The following PTPRA variants were observed in gnomAD, a reference collection of about 807,000 sequenced individuals.
PTPRA encodes receptor-type tyrosine-protein phosphatase alpha.
Under a neutral mutation model 104.8 loss-of-function variants are expected in PTPRA, and 25 were observed. The ratio of observed to expected loss-of-function variants is 0.24; its 90% CI spans 0.17 to 0.33. PTPRA has a LOEUF of 0.33. Among genes scored for constraint, PTPRA ranks in the 10% least tolerant of loss-of-function variants. The pLI is 1.00. For synonymous variants in PTPRA, 323 were observed against 368.9 expected, an observed-to-expected ratio of 0.88 and a Z score of 1.43; for missense variants, 765 against 1,015.3, an observed-to-expected ratio of 0.75 and a Z score of 3.35.
chr20:2,951,073 T>C (rs2061336450), intron 3 of PTPRA, among the ~76,000 whole-genome samples: 1 of 152,020 alleles, frequency 6.6e-6, no homozygotes, highest in African/African-American at 2.4e-5. Context: ...GTATTAACCA[T>C]GTGTTTGTTT....
intron 1 of PTPRA, among the ~76,000 whole-genome samples, chr20:2,908,288 T>C (rs1375937532): frequency 6.6e-6 from 1 of 152,248 alleles, no homozygotes; most frequent in East Asian, 1.9e-4. Context: ...GTTGACTCCT[T>C]GAACAACGCA....
chr20:2,932,914 A>G (rs1284572796), intron 2 of PTPRA, among the ~76,000 whole-genome samples: 2 of 152,204 alleles, frequency 1.3e-5, no homozygotes, highest in African/African-American at 4.8e-5. Context: ...ATCATTAAAA[A>G]CAATATTGGA....
chr20:2,929,267 T>C (rs767699971), intron 2 of PTPRA, among the ~76,000 whole-genome samples: 2 of 152,158 alleles, frequency 1.3e-5, no homozygotes, highest in Non-Finnish European at 2.9e-5. Flanking sequence ...TTTTTTCTTT[T>C]ACTGTTTCTT....
chr20:2,905,946 A>G (rs1361766647), intron 1 of PTPRA, among the ~76,000 whole-genome samples: 1 of 151,968 alleles, frequency 6.6e-6, no homozygotes, highest in Non-Finnish European at 1.5e-5. Context: ...TCGGCCTCCC[A>G]AAGTGCTGGT....
chr20:2,959,329 A>T (rs915699304), intron 3 of PTPRA, among the ~76,000 whole-genome samples: 1 of 152,278 alleles, frequency 6.6e-6, no homozygotes, highest in South Asian at 2.1e-4. Context: ...TGGATATTTC[A>T]TATGATTGAT....
At chr20:3,030,296 T>C (rs952760021) in intron 20 of PTPRA, among the ~76,000 whole-genome samples, 3 of 152,180 alleles carry the variant, frequency 2.0e-5, no homozygotes, top group African/African-American at 7.2e-5. Context: ...TTCTGCTGCC[T>C]GTTGAGTGAG....
chr20:3,038,431 T>A lies in PTPRA; in HGVS notation c.*298T>A, dbSNP rs533501104. 6.7e-6 allele frequency: 2 copies of A among 299,420 alleles called. No homozygotes were observed. The highest frequency in any genetic ancestry group is 1.8e-4 in the East Asian group (2 of 11,260). The allele number at this position is 299,420 out of a possible 1,614,324, so 18.5% of individuals were successfully genotyped here. ...TTAATACATCTTTCCCTAAAGAAGA[T>A]AAACACAAAATCCATTCCAGGTAGC... On this transcript the variant is annotated 3_prime_UTR_variant, in exon 24 of 24. Coordinates refer to ENST00000399903, the MANE Select transcript of PTPRA (RefSeq NM_001385305.1).
At chr20:3,001,263 T>A (rs192395231) in intron 9 of PTPRA, among the ~76,000 whole-genome samples, 1 of 152,364 alleles carries the variant, frequency 6.6e-6, no homozygotes, top group East Asian at 1.9e-4. Context: ...CATCTAGCGC[T>A]GTGTTCTCCA....
At position 3,010,236 on chromosome 20, in the gene PTPRA, C is replaced by A. The variant is rs375183498; in HGVS notation, c.906+2816C>A. ...ATTCCATGGGTCAGTGACATACTTA[C>A]AAAACCAGGTGCTTCCATCTTTCTA... On this transcript the variant is annotated intron_variant, in intron 11 of 23. Transcript: ENST00000399903. 8.5e-5 allele frequency among the ~76,000 whole-genome samples: 13 copies of A among 152,222 alleles called. No individual in the cohort carries two copies. In the East Asian group the frequency reaches 1.7e-3, roughly 20 times the overall value.
At chr20:2,954,077 C>CTTTT (rs35144002) in intron 3 of PTPRA, among the ~76,000 whole-genome samples, 2 of 102,610 alleles carry the variant, frequency 1.9e-5, no homozygotes, top group Admixed American at 1.1e-4. Flanking sequence ...ACCCGGCTAA[C>CTTTT]TTTTTTTTTT....
chr20:2,974,357 TC>T (rs1415633175), intron 5 of PTPRA, among the ~76,000 whole-genome samples: 1 of 151,948 alleles, frequency 6.6e-6, no homozygotes, highest in African/African-American at 2.4e-5. Flanking sequence ...TTTAAGCAAT[TC>T]TTGTGCCTCA....
chr20:3,009,011 A>G (rs2064021341), intron 11 of PTPRA, among the ~76,000 whole-genome samples: 1 of 152,164 alleles, frequency 6.6e-6, no homozygotes, highest in East Asian at 1.9e-4. Context: ...TGTGAACATA[A>G]GAAGGGCTGT....
intron 9 of PTPRA, among the ~76,000 whole-genome samples, chr20:2,995,970 G>A (rs1490970575): frequency 6.6e-6 from 1 of 152,158 alleles, no homozygotes; most frequent in Non-Finnish European, 1.5e-5. Context: ...GCTATGAACT[G>A]TGAGCAGCTT....
chr20:2,962,915 T>C (rs1301895391), intron 3 of PTPRA, among the ~76,000 whole-genome samples: 1 of 152,158 alleles, frequency 6.6e-6, no homozygotes, highest in African/African-American at 2.4e-5. Flanking sequence ...TAAGGATGTG[T>C]GTCCTACTTC....
At chr20:2,886,804 C>T (rs1353048014) in intron 1 of PTPRA, among the ~76,000 whole-genome samples, 2 of 148,626 alleles carry the variant, frequency 1.3e-5, no homozygotes, top group South Asian at 2.1e-4. Flanking sequence ...TGCCCTGAGC[C>T]GAGATCGCAC....
upstream of PTPRA, chr20:2,873,465 T>G (rs558675): frequency 2.0e-5 from 3 of 152,100 alleles, no homozygotes; most frequent in Non-Finnish European, 4.4e-5. This position sits in a 1 kb window ranked among gnomAD's most constrained non-coding sequence, Gnocchi z 4.4. Context: ...TGAACACGCG[T>G]CTTACAGCCA....
At position 2,943,552 on chromosome 20, in the gene PTPRA, A is replaced by G. The variant is rs199645584; in HGVS notation, c.-49-4430A>G. On this transcript the variant is annotated intron_variant, in intron 2 of 23. Transcript: ENST00000399903. ...AATCTCATCCAAAAAAACCCCTCAC[A>G]GAAATATCCAGAATAACCTTTAACC... Among the ~76,000 whole-genome samples the G allele has an allele frequency of 9.8e-5, 15 of 152,334 alleles. No homozygotes were observed. In the East Asian group the frequency reaches 2.7e-3, roughly 27 times the overall value.
intron 17 of PTPRA, 104 bp from the exon 18 acceptor site, chr20:3,026,583 T>C (rs2065156475): frequency 1.2e-6 from 1 of 822,244 alleles, no homozygotes; most frequent in South Asian, 1.5e-5. Flanking sequence ...AGAAGAGCAG[T>C]ATGGAGCCAG....
At chr20:3,023,234 C>T (rs1011937176) in intron 16 of PTPRA, among the ~76,000 whole-genome samples, 2 of 152,222 alleles carry the variant, frequency 1.3e-5, no homozygotes, top group Admixed American at 6.5e-5. Flanking sequence ...CAATGCACTG[C>T]GGAAGGCCGC....
Sources: gnomAD v4.1 joint callset for allele counts (sites outside exome capture counted in the v4.1 genomes callset) on GRCh38, gnomAD v4.1.1 for gene constraint, Gnocchi (gnomAD v3.1) non-coding constraint, MANE v1.5 for transcripts, NCBI Gene and HGNC (gene_info 2026-07-23, HGNC 2026-07-21) for gene names.